The following PTPRD variants were observed in gnomAD, a reference collection of about 807,000 sequenced individuals.
The protein encoded by PTPRD is receptor-type tyrosine-protein phosphatase delta.
In PTPRD, 34 loss-of-function variants were observed where a neutral mutation model predicts 214.5. That is an observed-to-expected ratio of 0.16 (90% confidence interval 0.12 to 0.21). The LOEUF is 0.21. Among genes scored for constraint, PTPRD ranks in the 10% least tolerant of loss-of-function variants. The pLI, the probability that PTPRD is intolerant of heterozygous loss-of-function variation, is 1.00. For missense variants in PTPRD, 2,545 were observed against 2,398.7 expected (o/e 1.06, Z -1.27); for synonymous variants, 1,128 against 845.7 (o/e 1.33, Z -5.79).
At chr9:10,145,169 A>AT (rs1402605562) in intron 3 of PTPRD, among the ~76,000 whole-genome samples, 1 of 152,150 alleles carries the variant, frequency 6.6e-6, no homozygotes, top group Non-Finnish European at 1.5e-5. Context: ...CATTGTAAAA[A>AT]TTGAGATTTC....
chr9:9,450,755 G>C (rs10977762), intron 8 of PTPRD, among the ~76,000 whole-genome samples: 22,892 of 151,014 alleles, frequency 0.15, 1,844 homozygotes, highest in Middle Eastern at 0.29. Context: ...TTATGGGGGG[G>C]GGTGTGTGTG....
At chr9:9,823,594 T>C (rs2051569384) in intron 5 of PTPRD, among the ~76,000 whole-genome samples, 1 of 151,990 alleles carries the variant, frequency 6.6e-6, no homozygotes, top group South Asian at 2.1e-4. Flanking sequence ...TGAATGGAAC[T>C]AGAGAAAATT....
intron 2 of PTPRD, among the ~76,000 whole-genome samples, chr9:10,479,365 G>C (rs948159572): frequency 6.6e-6 from 1 of 152,014 alleles, no homozygotes; most frequent in Non-Finnish European, 1.5e-5. Context: ...AAAAAACAAA[G>C]GGAGATGCTT....
rs77962535 is a variant in PTPRD at position 10,202,671 on chromosome 9, GATATATATATATAT to G, written c.-545+138278_-545+138291del. 3.9e-3 allele frequency among the ~76,000 whole-genome samples: 446 copies of G among 113,114 alleles called. 8 individuals are homozygous for G. The highest frequency in any genetic ancestry group is 0.013 in the African/African-American group (368 of 28,190). The allele number at this position is 113,114 out of a possible 152,430, so 74.2% of individuals were successfully genotyped here. A position where few individuals can be genotyped will look rare whatever the true frequency, so the allele number is the denominator to read the frequency against. ...GATGCCTACTTATAAAAATTATATG[GATATATATATATAT>G]ATATATATATATATGCACCAGTGAA... On this transcript the variant is annotated intron_variant, in intron 3 of 45. Coordinates refer to ENST00000381196, the MANE Select transcript of PTPRD (RefSeq NM_002839.4).
At chr9:9,601,152 T>A (rs1342176008) in intron 7 of PTPRD, among the ~76,000 whole-genome samples, 3 of 67,230 alleles carry the variant, frequency 4.5e-5, no homozygotes, top group African/African-American at 1.7e-4. Flanking sequence ...TGTGTGTGTA[T>A]GGGGGGGGGA....
chr9:8,820,569 A>T (rs970338511), intron 11 of PTPRD, among the ~76,000 whole-genome samples: 1 of 152,206 alleles, frequency 6.6e-6, no homozygotes, highest in Non-Finnish European at 1.5e-5. Context: ...AAGGTTAAGG[A>T]TACATTTTTA....
At chr9:9,039,378 C>T (rs1219446284) in intron 10 of PTPRD, among the ~76,000 whole-genome samples, 3 of 152,176 alleles carry the variant, frequency 2.0e-5, no homozygotes, top group African/African-American at 7.2e-5. Flanking sequence ...TCTAATTCTG[C>T]AGCTAATTAG....
At chr9:8,990,500 G>T (rs1014787972) in intron 11 of PTPRD, among the ~76,000 whole-genome samples, 23 of 152,066 alleles carry the variant, frequency 1.5e-4, no homozygotes, top group African/African-American at 5.6e-4. Flanking sequence ...GGCCTCAGAA[G>T]CTCTTTCTCT....
In PTPRD at chr9:8,485,884, G is replaced by C. The variant is rs777601679; in HGVS notation, c.2933C>G (p.Thr978Ser). ...TGGTTTTAAGCCAGTGAGTGTCATA[G>C]TGGTGTCAGCTGGAACAATAAGCTG... Reference protein sequence around the residue: ...MEQLIVPADTTMTLTGLKPDT... With the variant: ...MEQLIVPADTSMTLTGLKPDT... The change falls in exon 28 of 46, where the codon ACT becomes AGT. Residue 978 changes from threonine to serine, a missense_variant. Transcript: ENST00000381196. 4.3e-6 allele frequency: 7 copies of C among 1,614,162 alleles called. No individual in the cohort carries two copies. Among genetic ancestry groups the C allele is most frequent in the Non-Finnish European group, 5.9e-6 (7 of 1,180,024 alleles).
chr9:10,300,325 C>A (rs751897714), intron 3 of PTPRD, among the ~76,000 whole-genome samples: 1 of 152,088 alleles, frequency 6.6e-6, no homozygotes, highest in Non-Finnish European at 1.5e-5. Flanking sequence ...AAGCAGAAAA[C>A]TGGGCAGCCA....
At chr9:9,201,089 A>G (rs2099941561) in intron 9 of PTPRD, among the ~76,000 whole-genome samples, 1 of 152,198 alleles carries the variant, frequency 6.6e-6, no homozygotes. Context: ...GGAAAATCTT[A>G]TCATGAAAAG....
chr9:9,961,624 G>A (rs1411529478), intron 4 of PTPRD, among the ~76,000 whole-genome samples: 1 of 152,100 alleles, frequency 6.6e-6, no homozygotes, highest in Non-Finnish European at 1.5e-5. Context: ...TTGACTGCCA[G>A]CAGAGTGTGG....
chr9:8,362,301 C>A (rs1299785518), intron 39 of PTPRD, among the ~76,000 whole-genome samples: 1 of 151,992 alleles, frequency 6.6e-6, no homozygotes, highest in East Asian at 1.9e-4. Context: ...ACTATTGTAC[C>A]CTACAAACCA....
At chr9:9,387,181 G>A (rs960785705) in intron 9 of PTPRD, among the ~76,000 whole-genome samples, 2 of 152,116 alleles carry the variant, frequency 1.3e-5, no homozygotes, top group Non-Finnish European at 2.9e-5. Context: ...CATCTCTAAT[G>A]TTTTCAGTGT....
chr9:8,760,598 C>CTGTGTGTG (rs34488235), intron 11 of PTPRD, among the ~76,000 whole-genome samples: 27 of 145,092 alleles, frequency 1.9e-4, no homozygotes, highest in African/African-American at 5.8e-4. Flanking sequence ...CTCTCTCTGT[C>CTGTGTGTG]TGTGTGTGTG....
At chr9:9,274,579 T>G (rs1196800168) in intron 9 of PTPRD, among the ~76,000 whole-genome samples, 1 of 151,242 alleles carries the variant, frequency 6.6e-6, no homozygotes, top group Non-Finnish European at 1.5e-5. Context: ...CTGTTTGAAA[T>G]TTGGAGAACT....
At chr9:8,845,874 G>A (rs1040699735) in intron 11 of PTPRD, among the ~76,000 whole-genome samples, 8 of 152,136 alleles carry the variant, frequency 5.3e-5, no homozygotes, top group South Asian at 2.1e-4. Flanking sequence ...CTGTTAGGGC[G>A]GTCATTTGAA....
intron 5 of PTPRD, among the ~76,000 whole-genome samples, chr9:9,931,507 C>A (rs746197160): frequency 6.6e-6 from 1 of 152,180 alleles, no homozygotes; most frequent in African/African-American, 2.4e-5. Context: ...CCGAATACTG[C>A]GCTTTTCCGA....
chr9:9,009,129 A>G (rs959534569), intron 11 of PTPRD, among the ~76,000 whole-genome samples: 22 of 123,818 alleles, frequency 1.8e-4, no homozygotes, highest in Non-Finnish European at 3.9e-4. Flanking sequence ...TCTCTCATTC[A>G]CCTAAAATTT....
Sources: allele counts gnomAD v4.1 joint callset (sites outside exome capture counted in the v4.1 genomes callset), GRCh38; gene constraint gnomAD v4.1.1; transcripts MANE v1.5; gene names NCBI Gene and HGNC (gene_info 2026-07-23, HGNC 2026-07-21).